CLEC12B: variants seen among roughly 807,000 people sequenced by gnomAD.
CLEC12B encodes macrophage antigen h.
In CLEC12B, 25 loss-of-function variants were observed where a neutral mutation model predicts 36.1. That is an observed-to-expected ratio of 0.69 (90% confidence interval 0.50 to 0.97). CLEC12B has a LOEUF of 0.97. Among genes scored for constraint, CLEC12B ranks in the 50% least tolerant of loss-of-function variants. The pLI is 0.00. For missense variants in CLEC12B, 325 were observed against 318.4 expected (o/e 1.02, Z -0.16); for synonymous variants, 110 against 108.5 (o/e 1.01, Z -0.09).
chr12:10,013,213 G>T (rs1865380716), intron 2 of CLEC12B: 1 of 303,948 alleles, frequency 3.3e-6, no homozygotes, highest in African/African-American at 2.3e-5. Context: ...ATAAAGTCAA[G>T]AAATATGTAT....
upstream of CLEC12B, among the ~76,000 whole-genome samples, chr12:10,010,194 T>A (rs1317141466): frequency 8.3e-3 from 547 of 65,728 alleles, 1 homozygote; most frequent in Non-Finnish European, 0.013. Context: ...TCTCTCTGTC[T>A]CTCTCTCACA....
At position 10,013,832 on chromosome 12, in the gene CLEC12B, G is replaced by T. The variant is rs1159099021; in HGVS notation, c.191-691G>T. 3.9e-5 allele frequency among the ~76,000 whole-genome samples: 6 copies of T among 152,296 alleles called. 1 individual carries two copies. In the East Asian group the frequency reaches 1.2e-3, roughly 29 times the overall value. On this transcript the variant is annotated intron_variant, in intron 2 of 5. Transcript: ENST00000338896. Reference sequence around the variant, plus strand: ...ATATGATGTTCAAGCAGCAGTAACAGATATTCTGGAGCCAATCAGTATGAG... The same window carrying T: ...ATATGATGTTCAAGCAGCAGTAACATATATTCTGGAGCCAATCAGTATGAG...
rs1865434522 is a variant in CLEC12B at position 10,014,725 on chromosome 12, A to C, written c.393A>C (p.Leu131=). The C allele has an allele frequency of 6.2e-7, 1 of 1,612,514 alleles. No homozygotes were observed. Among genetic ancestry groups the C allele is most frequent in the Non-Finnish European group, 8.5e-7 (1 of 1,178,708 alleles). ...TGGCCATCAAACTGTGCCAAGAGCT[A>C]ATCATTCATACTTCAGGTAATCAGA... ...EQMAIKLCQE[L]IIHTSDHRCN... The change falls in exon 3 of 6, where the codon CTA becomes CTC. Residue 131 remains leucine (L), a synonymous_variant. Coordinates refer to ENST00000338896, the MANE Select transcript of CLEC12B (RefSeq NM_001129998.3).
chr12:10,017,233 T>C (rs1337095796), intron 5 of CLEC12B: 2 of 985,194 alleles, frequency 2.0e-6, no homozygotes, highest in South Asian at 4.7e-5. Context: ...CTAATAATAA[T>C]GACAAAAAGC....
chr12:10,015,869 A>G (rs977113921), intron 5 of CLEC12B, 142 bp downstream of exon 5: 4 of 1,481,658 alleles, frequency 2.7e-6, no homozygotes, highest in African/African-American at 1.4e-5. Context: ...CAAATATTGA[A>G]AGGAGGTATA....
chr12:10,013,833 A>T (rs950403136), intron 2 of CLEC12B, among the ~76,000 whole-genome samples: 1 of 152,216 alleles, frequency 6.6e-6, no homozygotes, highest in Non-Finnish European at 1.5e-5. Context: ...GCAGTAACAG[A>T]TATTCTGGAG....
intron 5 of CLEC12B, among the ~76,000 whole-genome samples, chr12:10,018,121 T>C (rs1865531950): frequency 6.6e-6 from 1 of 152,136 alleles, no homozygotes; most frequent in East Asian, 1.9e-4. Context: ...TACCTGGGAT[T>C]ATGATTAACT....
chr12:10,017,676 G>C, intron 5 of CLEC12B: 1 of 964,966 alleles, frequency 1.0e-6, no homozygotes, highest in Non-Finnish European at 1.2e-6. Flanking sequence ...AGCAAGCAAA[G>C]AATATGGCAG....
At chr12:10,018,221 GTCTC>G in intron 5 of CLEC12B, 106 bp from the exon 6 acceptor site, 1 of 729,628 alleles carries the variant, frequency 1.4e-6, no homozygotes, top group Non-Finnish European at 2.0e-6. Flanking sequence ...GGAGGCAGAA[GTCTC>G]TCCATATTCA....
At chr12:10,015,928 CT>C in intron 5 of CLEC12B, 1 of 1,378,668 alleles carries the variant, frequency 7.3e-7, no homozygotes, top group Non-Finnish European at 9.4e-7. Flanking sequence ...TGAATTTTAT[CT>C]TTTGGTAGAA....
upstream of CLEC12B, among the ~76,000 whole-genome samples, chr12:10,007,823 A>C (rs899018629): frequency 6.6e-6 from 1 of 152,210 alleles, no homozygotes; most frequent in African/African-American, 2.4e-5. Flanking sequence ...TAAGCAAGGA[A>C]GTTGTAGCTG....
At chr12:10,013,046 CAA>C in intron 2 of CLEC12B, 163 bp downstream of exon 2, 3 of 635,888 alleles carry the variant, frequency 4.7e-6, no homozygotes, top group Non-Finnish European at 8.3e-6. Context: ...AAAAAACCGG[CAA>C]AAGACATTAT....
At chr12:10,012,047 G>C (rs187121717) in intron 1 of CLEC12B, among the ~76,000 whole-genome samples, 3 of 152,270 alleles carry the variant, frequency 2.0e-5, no homozygotes, top group Admixed American at 2.0e-4. Context: ...ACAATGACTA[G>C]GATGCTAACG....
chr12:10,014,510 T>A lies in CLEC12B; in HGVS notation c.191-13T>A. The A allele has an allele frequency of 6.3e-7, 1 of 1,581,536 alleles. No individual in the cohort carries two copies. Among genetic ancestry groups the A allele is most frequent in the Non-Finnish European group, 8.7e-7 (1 of 1,150,816 alleles). ...GAAGAATATATGAACTTGTCTCCTG[T>A]CATGTCTTGGAGTTTTGCAGATATC... On this transcript the variant is annotated splice_polypyrimidine_tract_variant and intron_variant, in intron 2 of 5. Transcript: ENST00000338896.
chr12:10,014,805 C>T (rs1022485781), intron 3 of CLEC12B, 64 bp downstream of exon 3: 1 of 1,066,268 alleles, frequency 9.4e-7, no homozygotes, highest in African/African-American at 1.6e-5. Context: ...AAGTTGATCA[C>T]ATGTACCACC....
Position 10,018,521 on chromosome 12 carries a change from G to A in CLEC12B, c.*40G>A, listed in dbSNP as rs1225435082. 3 of 1,521,324 alleles carry A rather than the reference G, an allele frequency of 2.0e-6. No homozygotes were observed. The African/African-American group carries it at 4.2e-5, about 21-fold the overall frequency. The allele number at this position is 1,521,324 out of a possible 1,614,324, so 94.2% of individuals were successfully genotyped here. A position where few individuals can be genotyped will look rare whatever the true frequency, so the allele number is the denominator to read the frequency against. Reference sequence around the variant, plus strand: ...ATTCTCCAAGAAGTAAGAGACTTGTGAGTAAGCTCATATGAGGAAAGAGGA... The same window carrying A: ...ATTCTCCAAGAAGTAAGAGACTTGTAAGTAAGCTCATATGAGGAAAGAGGA... On this transcript the variant is annotated 3_prime_UTR_variant, in exon 6 of 6. Coordinates refer to ENST00000338896, the MANE Select transcript of CLEC12B (RefSeq NM_001129998.3).
At chr12:10,015,174 A>T in intron 3 of CLEC12B, 78 bp from the exon 4 acceptor site, 1 of 1,193,648 alleles carries the variant, frequency 8.4e-7, no homozygotes, top group Non-Finnish European at 1.2e-6. Flanking sequence ...TTGTTCAATT[A>T]CATGATTTTG....
intron 5 of CLEC12B, chr12:10,016,001 A>G (rs1485521412): frequency 9.0e-7 from 1 of 1,112,594 alleles, no homozygotes; most frequent in Non-Finnish European, 1.1e-6. Context: ...ATAAATACTA[A>G]CCCTTGAAGA....
chr12:10,014,615 C>G lies in CLEC12B; in HGVS notation c.283C>G (p.Gln95Glu). 6.2e-7 allele frequency: 1 copy of G among 1,613,758 alleles called. No individual in the cohort carries two copies. The highest frequency in any genetic ancestry group is 8.5e-7 in the Non-Finnish European group (1 of 1,179,712). ...IQQQQDNLSQQLGNSNNLSME... is the reference protein window; with the variant it reads ...IQQQQDNLSQELGNSNNLSME... ...ACAGCAGCAGGATAACTTATCCCAG[C>G]AACTGGGCAACTCCAACAACTTGTC... Residue 95 changes from glutamine to glutamate, a missense_variant, in exon 3 of 6, where the codon CAA (glutamine) becomes GAA (glutamate). Coordinates refer to ENST00000338896, the MANE Select transcript of CLEC12B (RefSeq NM_001129998.3).
Sources: allele counts gnomAD v4.1 joint callset (sites outside exome capture counted in the v4.1 genomes callset), GRCh38; gene constraint gnomAD v4.1.1; transcripts MANE v1.5; gene names NCBI Gene and HGNC (gene_info 2026-07-23, HGNC 2026-07-21).